The following RFTN1 variants were observed in gnomAD, a reference collection of about 807,000 sequenced individuals.
RFTN1 encodes the protein raftlin, lipid raft linker 1.
In RFTN1, 26 loss-of-function variants were observed where a neutral mutation model predicts 46.5. The ratio of observed to expected loss-of-function variants is 0.56; its 90% CI spans 0.41 to 0.78. The LOEUF (loss-of-function observed/expected upper bound fraction) is 0.78, where lower values mean the gene tolerates loss of function less well. Among genes scored for constraint, RFTN1 ranks in the 30% least tolerant of loss-of-function variants. RFTN1 has a pLI of 0.00. For missense variants in RFTN1, 693 were observed against 718.7 expected (o/e 0.96, Z 0.41); for synonymous variants, 261 against 284.2 (o/e 0.92, Z 0.82).
rs911760501 is a variant in RFTN1, at chr3:16,421,240, G to A, written c.333-11757C>T. On this transcript the variant is annotated intron_variant, in intron 3 of 9. Transcript: ENST00000334133. This position sits in a 1 kb window ranked among gnomAD's most constrained non-coding sequence, Gnocchi z 4.6. The stretch of plus-strand genomic sequence containing the variant: ...TCAAGGCAAAATATACACTTGAAAT[G>A]AGATTCATTGTTAACATAATGGAAC... Among the ~76,000 whole-genome samples, 7 of 152,170 alleles carry A rather than the reference G, an allele frequency of 4.6e-5. No homozygotes were observed. Among genetic ancestry groups the A allele is most frequent in the African/African-American group, 1.4e-4 (6 of 41,434 alleles).
rs73142353 is a variant in RFTN1, at chr3:16,322,061, G to A, written c.1332+1315C>T. ...ATCTGACAGGGGCCCTTTGCGTGCT[G>A]TGTGTTGAATGTTGCACTTGCTGAA... is the stretch of plus-strand genomic sequence containing the variant. On this transcript the variant is annotated intron_variant, in intron 9 of 9. Coordinates refer to ENST00000334133, the MANE Select transcript of RFTN1 (RefSeq NM_015150.2). The surrounding 1 kb of genome is among the most constrained non-coding windows in gnomAD (Gnocchi z 6.2). Among the ~76,000 whole-genome samples, 1,853 of 152,334 alleles carry A rather than the reference G, an allele frequency of 0.012. 30 individuals are homozygous for A. The highest frequency in any genetic ancestry group is 0.042 in the African/African-American group (1,758 of 41,564).
chr3:16,441,753 A>G (rs533962612), intron 2 of RFTN1, among the ~76,000 whole-genome samples: 1 of 152,348 alleles, frequency 6.6e-6, no homozygotes, highest in Admixed American at 6.5e-5. Context: ...GTGCAACATG[A>G]GACAGACACC....
rs1460617960 is a variant in RFTN1, at chr3:16,468,526, T to C, written c.145+25199A>G. On this transcript the variant is annotated intron_variant, in intron 2 of 9. Transcript: ENST00000334133. This position sits in a 1 kb window ranked among gnomAD's most constrained non-coding sequence, Gnocchi z 4.4. Reference sequence around the variant, plus strand: ...ACTTTAAGATGCCTTTTCATATCTTTGCTATCTTTAGATTAGATGCTTAAT... The same window carrying C: ...ACTTTAAGATGCCTTTTCATATCTTCGCTATCTTTAGATTAGATGCTTAAT... Among the ~76,000 whole-genome samples the C allele has an allele frequency of 6.6e-6, 1 of 152,092 alleles. No individual in the cohort carries two copies. Among genetic ancestry groups the C allele is most frequent in the Non-Finnish European group, 1.5e-5 (1 of 68,016 alleles).
intron 3 of RFTN1, among the ~76,000 whole-genome samples, chr3:16,431,866 T>C (rs2075396168): frequency 6.6e-6 from 1 of 152,194 alleles, no homozygotes; most frequent in South Asian, 2.1e-4. Flanking sequence ...TCCACAAGAA[T>C]TGTGGGTAAA....
Position 16,509,997 on chromosome 3 carries a change from G to A in RFTN1, c.-9+3445C>T, listed in dbSNP as rs1037182521. 3.3e-5 allele frequency among the ~76,000 whole-genome samples: 5 copies of A among 152,276 alleles called. No individual in the cohort carries two copies. The highest frequency in any genetic ancestry group is 9.6e-5 in the African/African-American group (4 of 41,544). On this transcript the variant is annotated intron_variant, in intron 1 of 9. Transcript: ENST00000334133. The surrounding 1 kb of genome is among the most constrained non-coding windows in gnomAD (Gnocchi z 4.9). ...ACTCAGACAGAAAAGTTCACTTCCC[G>A]TTTCCTAGATCAGCCAAGGCAAGCT...
chr3:16,424,496 C>T lies in RFTN1; in HGVS notation c.332+9355G>A, dbSNP rs779583962. 1.3e-5 allele frequency among the ~76,000 whole-genome samples: 2 copies of T among 152,162 alleles called. No homozygotes were observed. Among genetic ancestry groups the T allele is most frequent in the Non-Finnish European group, 2.9e-5 (2 of 68,028 alleles). On this transcript the variant is annotated intron_variant, in intron 3 of 9. Transcript: ENST00000334133. The surrounding 1 kb of genome is among the most constrained non-coding windows in gnomAD (Gnocchi z 4.7). ...AATTAATTATAATACCGAAAACATA[C>T]AGGAACAAAGCAAAGTGCTCTCAGA... is the stretch of plus-strand genomic sequence containing the variant.
rs1467390076 is a variant in RFTN1, at chr3:16,402,453, T to C, written c.441+6922A>G. On this transcript the variant is annotated intron_variant, in intron 4 of 9. Coordinates refer to ENST00000334133, the MANE Select transcript of RFTN1 (RefSeq NM_015150.2). This position sits in a 1 kb window ranked among gnomAD's most constrained non-coding sequence, Gnocchi z 4.5. ...CCCCCCTCCCCAGGTTCATCTTTTT[T>C]AAATGTCACTATTCTCTTGGTTTGT... 6.6e-6 allele frequency among the ~76,000 whole-genome samples: 1 copy of C among 152,158 alleles called. No homozygotes were observed. The highest frequency in any genetic ancestry group is 1.5e-5 in the Non-Finnish European group (1 of 68,036).
chr3:16,483,113 T>C lies in RFTN1; in HGVS notation c.145+10612A>G, dbSNP rs1047776906. Among the ~76,000 whole-genome samples the C allele has an allele frequency of 1.3e-5, 2 of 152,228 alleles. No homozygotes were observed. Among genetic ancestry groups the C allele is most frequent in the African/African-American group, 4.8e-5 (2 of 41,446 alleles). ...TTCTGCTGAAGAGCTGCAAATGTTA[T>C]AGATGGATTTGTTATGTTCTAAAAC... is the stretch of plus-strand genomic sequence containing the variant. On this transcript the variant is annotated intron_variant, in intron 2 of 9. Coordinates refer to ENST00000334133, the MANE Select transcript of RFTN1 (RefSeq NM_015150.2). This position sits in a 1 kb window ranked among gnomAD's most constrained non-coding sequence, Gnocchi z 4.8.
At chr3:16,441,210 T>G (rs1326271104) in intron 2 of RFTN1, among the ~76,000 whole-genome samples, 3 of 149,096 alleles carry the variant, frequency 2.0e-5, no homozygotes, top group Admixed American at 6.8e-5. Flanking sequence ...TTGGGTGGCA[T>G]GAGAGTCCAA....
intron 8 of RFTN1, 30 bp downstream of exon 8, chr3:16,326,743 T>G (rs753612661): frequency 6.5e-7 from 1 of 1,528,102 alleles, no homozygotes; most frequent in Non-Finnish European, 9.1e-7. Context: ...AAGTGTTCAA[T>G]AGAATCCTAA....
chr3:16,335,203 G>T lies in RFTN1; in HGVS notation c.1147-8327C>A, dbSNP rs1414230114. Among the ~76,000 whole-genome samples the T allele has an allele frequency of 6.6e-6, 1 of 152,212 alleles. No individual in the cohort carries two copies. The highest frequency in any genetic ancestry group is 6.5e-5 in the Admixed American group (1 of 15,286). ...ACAGCTCAGGGCCAGGAAAAGGCTG[G>T]GATGGGGATAAACACTTGGAGGTGC... On this transcript the variant is annotated intron_variant, in intron 7 of 9. Transcript: ENST00000334133. The surrounding 1 kb of genome is among the most constrained non-coding windows in gnomAD (Gnocchi z 4.7).
chr3:16,438,816 G>A (rs1434184251), intron 2 of RFTN1, among the ~76,000 whole-genome samples: 1 of 151,934 alleles, frequency 6.6e-6, no homozygotes, highest in Non-Finnish European at 1.5e-5. Flanking sequence ...ACTGGCTGTG[G>A]TGAATGGGAG....
chr3:16,472,759 C>T (rs757459563), intron 2 of RFTN1, among the ~76,000 whole-genome samples: 8 of 152,234 alleles, frequency 5.3e-5, no homozygotes, highest in Non-Finnish European at 1.2e-4. Flanking sequence ...ATGATCTTCA[C>T]AGGCTGACAT....
In RFTN1 at chr3:16,409,405, G is replaced by A; in HGVS notation, c.411C>T (p.Asp137=). 1.2e-6 allele frequency: 2 copies of A among 1,613,172 alleles called. No homozygotes were observed. The highest frequency in any genetic ancestry group is 2.2e-5 in the South Asian group (2 of 91,070). Residue 137 remains aspartate, a synonymous_variant, in exon 4 of 10, where the codon GAC becomes GAT. Transcript: ENST00000334133. Reference sequence around the variant, plus strand: ...TAATGAACTCTGGGATGAGTTTCTGGTCTGTCGGGTGGTCTAAGGAGGAAC... The same window carrying A: ...TAATGAACTCTGGGATGAGTTTCTGATCTGTCGGGTGGTCTAAGGAGGAAC... ...DCCSSLDHPT[D]QKLIPEFIKK...
At chr3:16,369,726 G>T (rs1282485481) in intron 6 of RFTN1, among the ~76,000 whole-genome samples, 1 of 152,176 alleles carries the variant, frequency 6.6e-6, no homozygotes, top group Non-Finnish European at 1.5e-5. Context: ...CAAACAATTT[G>T]CACTTTGGAA....
Position 16,475,781 on chromosome 3 carries a change from C to T in RFTN1, c.145+17944G>A, listed in dbSNP as rs1453398090. Among the ~76,000 whole-genome samples the T allele has an allele frequency of 6.6e-6, 1 of 152,196 alleles. No individual in the cohort carries two copies. Among genetic ancestry groups the T allele is most frequent in the Non-Finnish European group, 1.5e-5 (1 of 68,044 alleles). ...AGAAGGTGCTGGCTGAGGGCAAAAG[C>T]CAAGTCCCAGCAGTCACGGTTTCCA... On this transcript the variant is annotated intron_variant, in intron 2 of 9. Coordinates refer to ENST00000334133, the MANE Select transcript of RFTN1 (RefSeq NM_015150.2). This position sits in a 1 kb window ranked among gnomAD's most constrained non-coding sequence, Gnocchi z 4.2.
At position 16,499,475 on chromosome 3, in the gene RFTN1, G is replaced by C. The variant is rs1437083166; in HGVS notation, c.-8-5598C>G. On this transcript the variant is annotated intron_variant, in intron 1 of 9. Coordinates refer to ENST00000334133, the MANE Select transcript of RFTN1 (RefSeq NM_015150.2). The surrounding 1 kb of genome is among the most constrained non-coding windows in gnomAD (Gnocchi z 4.9). Reference sequence around the variant, plus strand: ...CCATGTGGAGAGGAACCGACAGCCAGGACCAACTTGCTGGCCATCTTGCCA... The same window carrying C: ...CCATGTGGAGAGGAACCGACAGCCACGACCAACTTGCTGGCCATCTTGCCA... Among the ~76,000 whole-genome samples the C allele has an allele frequency of 6.6e-6, 1 of 152,238 alleles. No homozygotes were observed. The highest frequency in any genetic ancestry group is 2.4e-5 in the African/African-American group (1 of 41,462).
Position 16,317,115 on chromosome 3 carries a change from G to A in RFTN1, c.1450C>T (p.Gln484Ter). ...CCCATGTCTCCAGCTTTGGAAGACT[G>A]GTCTTCTAAGTTCTTCTCATTTTCT... ...AEENEKNLED[Q>*]SSKAGDMGNC... Residue 484 changes from glutamine (Q) to a stop codon, truncating the protein, a stop_gained, in exon 10 of 10, where the codon CAG (glutamine) becomes TAG (stop). Transcript: ENST00000334133. LOFTEE classifies it low-confidence loss of function (END_TRUNC). This position sits in a 1 kb window ranked among gnomAD's most constrained non-coding sequence, Gnocchi z 4.3. 1 of 1,613,752 alleles carries A rather than the reference G, an allele frequency of 6.2e-7. No individual in the cohort carries two copies. Among genetic ancestry groups the A allele is most frequent in the South Asian group, 1.1e-5 (1 of 91,064 alleles).
At chr3:16,378,492 G>C (rs578262408) in intron 4 of RFTN1, among the ~76,000 whole-genome samples, 89 of 152,156 alleles carry the variant, frequency 5.8e-4, no homozygotes, top group African/African-American at 2.1e-3. Flanking sequence ...TTTTTCGGAC[G>C]AATCACTGAC....
Sources: allele counts gnomAD v4.1 joint callset (sites outside exome capture counted in the v4.1 genomes callset), GRCh38; gene constraint gnomAD v4.1.1; non-coding constraint Gnocchi (gnomAD v3.1); transcripts MANE v1.5; gene names NCBI Gene and HGNC (gene_info 2026-07-23, HGNC 2026-07-21).